The following CTTNBP2 variants were observed in gnomAD, a reference collection of about 807,000 sequenced individuals.
CTTNBP2 encodes the protein cortactin-binding protein 2.
A neutral mutation model predicts 156.9 loss-of-function variants in CTTNBP2; 108 were observed. The ratio of observed to expected loss-of-function variants is 0.69; its 90% CI spans 0.59 to 0.81. The LOEUF is 0.81. Ranked by LOEUF, CTTNBP2 falls within the 30% of genes least tolerant of loss-of-function variation. The pLI is 0.00. For missense variants in CTTNBP2, 1,924 were observed against 2,035.4 expected, an observed-to-expected ratio of 0.95 and a Z score of 1.05; for synonymous variants, 767 against 751.8, an observed-to-expected ratio of 1.02 and a Z score of -0.33.
intron 14 of CTTNBP2, among the ~76,000 whole-genome samples, chr7:117,737,082 A>G (rs2116500076): frequency 6.6e-6 from 1 of 152,284 alleles, no homozygotes; most frequent in Non-Finnish European, 1.5e-5. Context: ...GCTAGAAACA[A>G]TCACAGCCAC....
chr7:117,779,747 A>AT (rs1798304180), intron 7 of CTTNBP2, among the ~76,000 whole-genome samples: 5 of 150,680 alleles, frequency 3.3e-5, no homozygotes, highest in African/African-American at 1.2e-4. Context: ...TATATATATA[A>AT]AATACATATG....
At chr7:117,720,991 G>A in intron 20 of CTTNBP2, 76 bp downstream of exon 20, 1 of 944,638 alleles carries the variant, frequency 1.1e-6, no homozygotes, top group East Asian at 2.4e-5. Context: ...TGAGAACATG[G>A]AACATTTAAA....
chr7:117,730,563 C>T lies in CTTNBP2; in HGVS notation c.3877-2296G>A, dbSNP rs575831376. ...GGTGAAATAGCATGGGTAAAGGTTA[C>T]AGATTCAAATACAAGCTGAGAACTA... On this transcript the variant is annotated intron_variant, in intron 16 of 22. Transcript: ENST00000160373. Among the ~76,000 whole-genome samples the T allele has an allele frequency of 6.4e-4, 97 of 152,296 alleles. 2 individuals are homozygous for T. Among genetic ancestry groups the T allele is most frequent in the East Asian group, 1.7e-3 (9 of 5,186 alleles).
intron 12 of CTTNBP2, among the ~76,000 whole-genome samples, chr7:117,754,313 C>T (rs561672643): frequency 6.6e-6 from 1 of 152,322 alleles, no homozygotes; most frequent in African/African-American, 2.4e-5. Context: ...TCTTTATCTC[C>T]TTGTCTGCTT....
intron 14 of CTTNBP2, among the ~76,000 whole-genome samples, chr7:117,745,305 T>C (rs1796267660): frequency 6.6e-6 from 1 of 152,214 alleles, no homozygotes; most frequent in Non-Finnish European, 1.5e-5. Context: ...ATAGGGCTGT[T>C]GTGGAGACTG....
intron 1 of CTTNBP2, among the ~76,000 whole-genome samples, chr7:117,864,948 T>C (rs1481268557): frequency 6.8e-6 from 1 of 146,382 alleles, no homozygotes; most frequent in Non-Finnish European, 1.5e-5. Context: ...TCAATATATA[T>C]TCATATATAT....
chr7:117,835,645 A>G (rs1249174201), intron 2 of CTTNBP2, among the ~76,000 whole-genome samples: 1 of 152,358 alleles, frequency 6.6e-6, no homozygotes, highest in Non-Finnish European at 1.5e-5. Flanking sequence ...TTTGAGAATC[A>G]TTCTTTGCTC....
intron 2 of CTTNBP2, among the ~76,000 whole-genome samples, chr7:117,834,167 G>C (rs1801787504): frequency 1.3e-5 from 2 of 151,236 alleles, no homozygotes; most frequent in African/African-American, 4.9e-5. Context: ...CAATTCTCCT[G>C]TCTCAGTCTC....
rs770136416 is a variant in CTTNBP2 at position 117,725,055 on chromosome 7, C to G, written c.4258G>C (p.Ala1420Pro). The G allele has an allele frequency of 2.5e-6, 4 of 1,612,232 alleles. No homozygotes were observed. Among genetic ancestry groups the G allele is most frequent in the Non-Finnish European group, 3.4e-6 (4 of 1,179,892 alleles). ...CTCTCTGCAGAAACCCACATACCTG[C>G]TCTGGGGAGGGGACAGCCATGCAGT... ...AVLHGCPLPR[A>P]ELDQHTADFK... The change falls in exon 18 of 23, where the codon GCA becomes CCA. Residue 1420 changes from alanine to proline, a missense_variant. Physicochemically the swap from Ala to Pro is conservative, Grantham distance 27. Transcript: ENST00000160373.
intron 17 of CTTNBP2, among the ~76,000 whole-genome samples, chr7:117,727,396 C>T (rs576651488): frequency 2.6e-5 from 4 of 152,140 alleles, no homozygotes; most frequent in South Asian, 2.1e-4. Flanking sequence ...GGTCTCACTA[C>T]GTTGCCTGGG....
chr7:117,813,876 C>A (rs1800427106), intron 2 of CTTNBP2, among the ~76,000 whole-genome samples: 1 of 152,084 alleles, frequency 6.6e-6, no homozygotes, highest in Admixed American at 6.6e-5. Context: ...TATTTTATAC[C>A]CTCAATGTGG....
chr7:117,817,308 TG>T, intron 2 of CTTNBP2, among the ~76,000 whole-genome samples: 1 of 117,758 alleles, frequency 8.5e-6, no homozygotes, highest in African/African-American at 3.2e-5. Flanking sequence ...CACTCCAGCC[TG>T]GGTGACAGAG....
intron 16 of CTTNBP2, among the ~76,000 whole-genome samples, chr7:117,732,565 G>C (rs1270461907): frequency 6.6e-6 from 1 of 150,786 alleles, no homozygotes; most frequent in Non-Finnish European, 1.5e-5. Context: ...CAGGAGAATG[G>C]TGTGAACCCA....
intron 2 of CTTNBP2, among the ~76,000 whole-genome samples, chr7:117,835,548 A>C (rs1801873365): frequency 1.3e-5 from 2 of 152,172 alleles, no homozygotes; most frequent in East Asian, 3.9e-4. Flanking sequence ...CTCTCTAGTC[A>C]CTTTCCTTTT....
At chr7:117,846,846 T>C (rs1469484445) in intron 2 of CTTNBP2, among the ~76,000 whole-genome samples, 1 of 152,032 alleles carries the variant, frequency 6.6e-6, no homozygotes, top group Non-Finnish European at 1.5e-5. Context: ...TAAGCAAATA[T>C]TTATATAATT....
chr7:117,763,647 A>C (rs1392680977), intron 9 of CTTNBP2, among the ~76,000 whole-genome samples: 1 of 141,926 alleles, frequency 7.0e-6, no homozygotes, highest in Non-Finnish European at 1.5e-5. Context: ...TGCAGCCTTG[A>C]CCTCCCTGGC....
At chr7:117,821,957 C>T (rs1800996323) in intron 2 of CTTNBP2, among the ~76,000 whole-genome samples, 1 of 152,032 alleles carries the variant, frequency 6.6e-6, no homozygotes, top group African/African-American at 2.4e-5. Flanking sequence ...AATACCTTTG[C>T]AGTTTTGGGA....
At chr7:117,772,849 C>A (rs1270631545) in intron 8 of CTTNBP2, among the ~76,000 whole-genome samples, 1 of 152,110 alleles carries the variant, frequency 6.6e-6, no homozygotes, top group Non-Finnish European at 1.5e-5. Context: ...CTGGATGGCC[C>A]ATGTCTTGGA....
At chr7:117,717,646 G>GGAA (rs1794500992) in intron 22 of CTTNBP2, among the ~76,000 whole-genome samples, 1 of 151,810 alleles carries the variant, frequency 6.6e-6, no homozygotes, top group East Asian at 1.9e-4. Flanking sequence ...TCGGATTGAA[G>GGAA]GAATATAGTG....
Sources: gnomAD v4.1 joint callset for allele counts (sites outside exome capture counted in the v4.1 genomes callset) on GRCh38, gnomAD v4.1.1 for gene constraint, MANE v1.5 for transcripts, NCBI Gene and HGNC (gene_info 2026-07-23, HGNC 2026-07-21) for gene names.